FABP6: variants seen among roughly 807,000 people sequenced by gnomAD.
FABP6 encodes gastrotropin.
In FABP6, 13 loss-of-function variants were observed where a neutral mutation model predicts 14.9. The ratio of observed to expected loss-of-function variants is 0.87; its 90% CI spans 0.57 to 1.39. The LOEUF (loss-of-function observed/expected upper bound fraction) is 1.39. Ranked by LOEUF, FABP6 falls within the 40% of genes most tolerant of loss-of-function variation. The probability of loss-of-function intolerance (pLI) is 0.00; values close to 1 mark genes in which losing one functional copy is unlikely to be tolerated. For missense variants in FABP6, 161 were observed against 167.2 expected (o/e 0.96, Z 0.20); for synonymous variants, 75 against 63.6 (o/e 1.18, Z -0.85).
intron 3 of FABP6, among the ~76,000 whole-genome samples, chr5:160,223,050 T>C (rs1161878095): frequency 2.0e-5 from 3 of 151,754 alleles, no homozygotes; most frequent in East Asian, 3.9e-4. Context: ...GATCATAGCT[T>C]ACTTCAGTCT....
chr5:160,228,530 C>G (rs773806065), upstream of FABP6: 1 of 456,276 alleles, frequency 2.2e-6, no homozygotes, highest in South Asian at 1.5e-5. Flanking sequence ...AGAGTCCCTG[C>G]ATGTGAAGTG....
intron 1 of FABP6, chr5:160,196,035 AT>A (rs199555916): frequency 0.016 from 2,518 of 152,766 alleles, 39 homozygotes; most frequent in Non-Finnish European, 0.025. Context: ...AGGAGGATTT[AT>A]TCCAGGCTGT....
At chr5:160,207,575 A>T (rs1759793842) in intron 2 of FABP6, among the ~76,000 whole-genome samples, 1 of 152,198 alleles carries the variant, frequency 6.6e-6, no homozygotes, top group Non-Finnish European at 1.5e-5. Flanking sequence ...AGTATTTCCA[A>T]AACAGTACAT....
At chr5:160,208,933 C>T (rs1759826933) in intron 2 of FABP6, among the ~76,000 whole-genome samples, 1 of 151,928 alleles carries the variant, frequency 6.6e-6, no homozygotes, top group Admixed American at 6.6e-5. Context: ...CCTGCCACTA[C>T]ACCCAACTAA....
intron 3 of FABP6, among the ~76,000 whole-genome samples, chr5:160,236,641 G>A (rs376352090): frequency 6.6e-6 from 1 of 151,926 alleles, no homozygotes; most frequent in East Asian, 1.9e-4. Context: ...CCAGGCCCAC[G>A]GGTCTTTTTA....
intron 1 of FABP6, among the ~76,000 whole-genome samples, chr5:160,188,239 C>T (rs979883924): frequency 2.2e-4 from 34 of 152,148 alleles, no homozygotes; most frequent in African/African-American, 7.7e-4. Flanking sequence ...CCCGGCCTCT[C>T]CTCCCGATTC....
At chr5:160,235,236 G>A (rs1250175877) in intron 3 of FABP6, among the ~76,000 whole-genome samples, 2 of 152,212 alleles carry the variant, frequency 1.3e-5, no homozygotes, top group Admixed American at 6.5e-5. Flanking sequence ...CTGGAAGCCC[G>A]GAAGATCCTT....
intron 2 of FABP6, among the ~76,000 whole-genome samples, chr5:160,233,609 T>C (rs549437621): frequency 6.6e-6 from 1 of 151,794 alleles, no homozygotes; most frequent in East Asian, 2.0e-4. Flanking sequence ...GCACGGTGGC[T>C]CACGCCTGTA....
chr5:160,202,132 A>G (rs1759654712), intron 2 of FABP6, among the ~76,000 whole-genome samples: 1 of 42,664 alleles, frequency 2.3e-5, no homozygotes, highest in Non-Finnish European at 7.7e-5. Context: ...GCAGGGATTT[A>G]GGCAGACTCT....
rs138772968 is a variant in FABP6, at chr5:160,202,522, C to T, written c.51+3365C>T. Among the ~76,000 whole-genome samples the T allele has an allele frequency of 1.6e-4, 25 of 152,228 alleles. No homozygotes were observed. In the East Asian group the frequency reaches 4.6e-3, roughly 28 times the overall value. The stretch of plus-strand genomic sequence containing the variant: ...CAAAAATTTAACTGGCTTGGCCGGG[C>T]GTGGTGGCTCACGCCCGTAATCCCA... On this transcript the variant is annotated intron_variant, in intron 2 of 6. Coordinates refer to the FABP6 transcript ENST00000393980.
intron 1 of FABP6, among the ~76,000 whole-genome samples, chr5:160,230,035 G>A (rs759786160): frequency 3.9e-4 from 21 of 53,962 alleles, no homozygotes; most frequent in Non-Finnish European, 6.1e-4. Flanking sequence ...CACCACGCCC[G>A]GCTAATTTTT....
chr5:160,199,134 G>A (rs746860569), exon 2 of FABP6: 12 of 1,614,184 alleles, frequency 7.4e-6, no homozygotes, highest in East Asian at 2.2e-5. Flanking sequence ...GATGATGGTG[G>A]TGGAGATGCA....
intron 1 of FABP6, chr5:160,198,709 G>C (rs193029148): frequency 1.6e-5 from 3 of 185,042 alleles, no homozygotes; most frequent in Admixed American, 5.7e-5. Context: ...CAACTGAGGC[G>C]TTATCTGAAA....
chr5:160,228,689 C>G, upstream of FABP6: 2 of 376,846 alleles, frequency 5.3e-6, no homozygotes, highest in South Asian at 3.9e-5. Context: ...ACCTTCTCCT[C>G]CAGGTGCGCT....
chr5:160,219,202 A>T (rs917797379), intron 3 of FABP6, among the ~76,000 whole-genome samples: 16 of 152,134 alleles, frequency 1.1e-4, no homozygotes, highest in Admixed American at 8.5e-4. Flanking sequence ...GGATGGAGAG[A>T]ATAGGAGGGT....
intron 1 of FABP6, chr5:160,197,921 C>CCTGTGT (rs1554111880): frequency 8.0e-6 from 1 of 125,026 alleles, no homozygotes; most frequent in Non-Finnish European, 1.7e-5. Context: ...AAGGCTGCTT[C>CCTGTGT]GTGTGTGTGT....
chr5:160,229,372 C>T (rs1181138920), upstream of FABP6: 2 of 1,387,666 alleles, frequency 1.4e-6, no homozygotes, highest in East Asian at 2.5e-5. Flanking sequence ...GGCTCTGTCC[C>T]TCCAGGTCCT....
At chr5:160,193,409 A>G (rs1580895159) in intron 1 of FABP6, among the ~76,000 whole-genome samples, 1 of 152,114 alleles carries the variant, frequency 6.6e-6, no homozygotes. Context: ...GCAAAAGAAC[A>G]AGGCTTCCAC....
In FABP6 at chr5:160,193,553, C is replaced by T. The variant is rs540442592; in HGVS notation, c.-58-5496C>T. Among the ~76,000 whole-genome samples, 177 of 152,136 alleles carry T rather than the reference C, an allele frequency of 1.2e-3. 2 individuals are homozygous for T. Among genetic ancestry groups the T allele is most frequent in the Middle Eastern group, 6.8e-3 (2 of 294 alleles). On this transcript the variant is annotated intron_variant, in intron 1 of 6. Coordinates refer to the FABP6 transcript ENST00000393980. ...TGTTTTGGCAGGGTGCTGATTGGTG[C>T]GTTTACAATCCCTGAGCTAGATACA...
Sources: gnomAD v4.1 joint callset for allele counts (sites outside exome capture counted in the v4.1 genomes callset) on GRCh38, gnomAD v4.1.1 for gene constraint, MANE v1.5 for transcripts, NCBI Gene and HGNC (gene_info 2026-07-23, HGNC 2026-07-21) for gene names.